Variants in CD109 observed in about 807,000 individuals in gnomAD.
CD109 encodes CD109 antigen.
CD109 carries 149 observed loss-of-function variants against 165.8 expected under a neutral mutation model. That is an observed-to-expected ratio of 0.90 (90% confidence interval 0.79 to 1.03). The LOEUF (loss-of-function observed/expected upper bound fraction) is 1.03, where lower values mean the gene tolerates loss of function less well. Ranked by LOEUF, CD109 falls within the 50% of genes least tolerant of loss-of-function variation. The pLI, the probability that CD109 is intolerant of heterozygous loss-of-function variation, is 0.00. For missense variants in CD109, 1,712 were observed against 1,677.8 expected (o/e 1.02, Z -0.36); for synonymous variants, 585 against 592.1 (o/e 0.99, Z 0.18).
chr6:73,725,064 C>G (rs192881666), intron 3 of CD109, among the ~76,000 whole-genome samples: 4 of 151,876 alleles, frequency 2.6e-5, no homozygotes, highest in Non-Finnish European at 5.9e-5. Context: ...ACTTTCTTTC[C>G]TAAGAAATAT....
chr6:73,701,108 G>C (rs2150145792), intron 2 of CD109, among the ~76,000 whole-genome samples: 1 of 146,164 alleles, frequency 6.8e-6, no homozygotes, highest in South Asian at 2.2e-4. Flanking sequence ...GCGATTATGG[G>C]CTTTTTTTTT....
intron 20 of CD109, among the ~76,000 whole-genome samples, chr6:73,786,784 T>C (rs906650812): frequency 6.6e-6 from 1 of 152,252 alleles, no homozygotes; most frequent in African/African-American, 2.4e-5. Context: ...TGAGTTGTAC[T>C]TTCCTTGGAA....
chr6:73,787,348 G>C lies in CD109; in HGVS notation c.2452G>C (p.Val818Leu), dbSNP rs751244784. ...GGTTCCCAGTGAGGATGGGGCAACT[G>C]TTCTTTTTCCCATCAGGCCAACACA... ...LLVPSEDGAT[V>L]LFPIRPTHLG... Residue 818 changes from valine to leucine, a missense_variant, in exon 21 of 33, where the codon GTT (valine) becomes CTT (leucine). By Grantham distance (32) the Val-to-Leu change is conservative. Coordinates refer to ENST00000287097, the MANE Select transcript of CD109 (RefSeq NM_133493.5). 9 of 1,613,904 alleles carry C rather than the reference G, an allele frequency of 5.6e-6. No individual in the cohort carries two copies. Among genetic ancestry groups the C allele is most frequent in the Non-Finnish European group, 7.6e-6 (9 of 1,179,922 alleles).
At chr6:73,818,076 G>A (rs190700247) in intron 30 of CD109, among the ~76,000 whole-genome samples, 4 of 152,254 alleles carry the variant, frequency 2.6e-5, no homozygotes, top group Admixed American at 1.3e-4. Context: ...AAATAGAGTT[G>A]TCTGTTGAAA....
chr6:73,753,243 C>T (rs1361696253), intron 5 of CD109, among the ~76,000 whole-genome samples: 3 of 152,136 alleles, frequency 2.0e-5, no homozygotes, highest in African/African-American at 7.2e-5. Flanking sequence ...TACTATCCCA[C>T]TCTTTACAGG....
At chr6:73,703,744 C>T (rs1026105155) in intron 2 of CD109, among the ~76,000 whole-genome samples, 1 of 149,470 alleles carries the variant, frequency 6.7e-6, no homozygotes, top group African/African-American at 2.4e-5. Context: ...GCTCTTTATG[C>T]ACTATTTGTT....
intron 27 of CD109, 31 bp from the exon 28 acceptor site, chr6:73,810,961 A>G (rs1562084198): frequency 6.3e-7 from 1 of 1,599,128 alleles, no homozygotes; most frequent in Non-Finnish European, 8.5e-7. Context: ...ATATATACTT[A>G]TATGTACAAA....
chr6:73,729,141 C>T (rs1415066550), intron 3 of CD109, among the ~76,000 whole-genome samples: 2 of 152,204 alleles, frequency 1.3e-5, no homozygotes, highest in Admixed American at 6.5e-5. Context: ...GTCCTTACCA[C>T]ACCACTCTGG....
At chr6:73,770,194 A>C (rs1397529029) in intron 14 of CD109, among the ~76,000 whole-genome samples, 1 of 152,212 alleles carries the variant, frequency 6.6e-6, no homozygotes, top group Non-Finnish European at 1.5e-5. Flanking sequence ...GAGGACCTTG[A>C]GAAAGACATG....
At chr6:73,706,824 T>C (rs1449859012) in intron 2 of CD109, among the ~76,000 whole-genome samples, 2 of 152,212 alleles carry the variant, frequency 1.3e-5, no homozygotes, top group African/African-American at 4.8e-5. Flanking sequence ...AGCTCCCTTT[T>C]GGCAGGGCTG....
At chr6:73,702,103 T>C (rs957161075) in intron 2 of CD109, among the ~76,000 whole-genome samples, 2 of 152,202 alleles carry the variant, frequency 1.3e-5, no homozygotes, top group Non-Finnish European at 2.9e-5. Flanking sequence ...TGGAATGTGC[T>C]CTATAAATGT....
chr6:73,720,133 A>G (rs1771892048), intron 2 of CD109, among the ~76,000 whole-genome samples: 1 of 152,340 alleles, frequency 6.6e-6, no homozygotes, highest in South Asian at 2.1e-4. Flanking sequence ...AAAGTGTGGT[A>G]TATATACGTA....
chr6:73,717,854 C>T lies in CD109; in HGVS notation c.248-5397C>T, dbSNP rs1395976072. ...CAGGACGGTCTCGATCTCCTGACCT[C>T]GTGATCCGCCCACCTCGGCCTCCCA... On this transcript the variant is annotated intron_variant, in intron 2 of 32. Coordinates refer to ENST00000287097, the MANE Select transcript of CD109 (RefSeq NM_133493.5). 3.3e-5 allele frequency among the ~76,000 whole-genome samples: 5 copies of T among 151,706 alleles called. 1 individual carries two copies. The highest frequency in any genetic ancestry group is 3.9e-4 in the East Asian group (2 of 5,098).
Position 73,807,029 on chromosome 6 carries a change from C to G in CD109, c.3146C>G (p.Thr1049Arg). The G allele has an allele frequency of 6.2e-7, 1 of 1,613,774 alleles. No individual in the cohort carries two copies. Among genetic ancestry groups the G allele is most frequent in the Non-Finnish European group, 8.5e-7 (1 of 1,179,764 alleles). ...QGGNKSPVTLTAYIVTSLLGY... is the reference protein window; with the variant it reads ...QGGNKSPVTLRAYIVTSLLGY... The stretch of plus-strand genomic sequence containing the variant: ...GGCAATAAAAGTCCAGTAACACTTA[C>G]AGCCTATATTGTAACTTCTCTCCTG... The change falls in exon 25 of 33, where the codon ACA (threonine) becomes AGA (arginine). Residue 1049 changes from threonine (T) to arginine (R), a missense_variant. Physicochemically the swap from Thr to Arg is moderately conservative, Grantham distance 71. Transcript: ENST00000287097.
At chr6:73,785,905 CG>C (rs1774673205) in intron 20 of CD109, among the ~76,000 whole-genome samples, 1 of 149,302 alleles carries the variant, frequency 6.7e-6, no homozygotes, top group South Asian at 2.1e-4. Context: ...AGTGCAGTGG[CG>C]TGATCTCGGC....
At chr6:73,689,779 C>T in the CD109 span, among the ~76,000 whole-genome samples, 6 of 152,270 alleles carry the variant, frequency 3.9e-5, no homozygotes, top group East Asian at 1.2e-3. Flanking sequence ...TCACATATTT[C>T]ATCAAATCTA....
In CD109 at chr6:73,809,984, G is replaced by A. The variant is rs765216113; in HGVS notation, c.3356G>A (p.Gly1119Asp). The change falls in exon 27 of 33, where the codon GGT becomes GAT. Residue 1119 changes from glycine (G) to aspartate (D), a missense_variant and splice_region_variant. Transcript: ENST00000287097. The stretch of plus-strand genomic sequence containing the variant: ...GAATGTTATTACTTTTCTCTTGCAG[G>A]TGGCATGCAATTCTGGGTGTCATCA... Reference protein sequence around the residue: ...NMLTWRAEQEGGMQFWVSSES... With the variant: ...NMLTWRAEQEDGMQFWVSSES... 10 of 1,582,168 alleles carry A rather than the reference G, an allele frequency of 6.3e-6. No homozygotes were observed. In the Admixed American group the frequency reaches 1.7e-4, roughly 27 times the overall value.
intron 25 of CD109, 131 bp downstream of exon 25, chr6:73,807,203 C>T (rs903105747): frequency 1.5e-6 from 1 of 675,156 alleles, no homozygotes; most frequent in African/African-American, 1.8e-5. Context: ...AATTTGAGTA[C>T]TCTTTTGCTT....
At chr6:73,748,546 T>C (rs1385474163) in intron 5 of CD109, among the ~76,000 whole-genome samples, 2 of 152,226 alleles carry the variant, frequency 1.3e-5, no homozygotes, top group Admixed American at 6.5e-5. Context: ...AGAAGGTCCA[T>C]GCGGGGTTGT....
Sources: gnomAD v4.1 joint callset for allele counts (sites outside exome capture counted in the v4.1 genomes callset) on GRCh38, gnomAD v4.1.1 for gene constraint, MANE v1.5 for transcripts, NCBI Gene and HGNC (gene_info 2026-07-23, HGNC 2026-07-21) for gene names.